Variants in MEF2C observed in about 807,000 individuals in gnomAD.
MEF2C encodes myocyte-specific enhancer factor 2C.
A neutral mutation model predicts 50.5 loss-of-function variants in MEF2C; 6 were observed. That is an observed-to-expected ratio of 0.12 (90% CI 0.07 to 0.23). MEF2C has a LOEUF of 0.23. Ranked by LOEUF, MEF2C falls within the 10% of genes least tolerant of loss-of-function variation. The pLI is 1.00. For missense variants in MEF2C, 276 were observed against 605.0 expected, an observed-to-expected ratio of 0.46 and a Z score of 5.70; for synonymous variants, 183 against 228.0, an observed-to-expected ratio of 0.80 and a Z score of 1.78.
intron 1 of MEF2C, among the ~76,000 whole-genome samples, chr5:88,902,233 G>A (rs1023601084): frequency 4.0e-5 from 6 of 151,444 alleles, no homozygotes; most frequent in Non-Finnish European, 5.9e-5. Flanking sequence ...TAAAAATTTA[G>A]CGACTATAGT....
At chr5:88,828,296 C>T (rs1423614553) in intron 1 of MEF2C, among the ~76,000 whole-genome samples, 1 of 151,922 alleles carries the variant, frequency 6.6e-6, no homozygotes, top group African/African-American at 2.4e-5. Context: ...CTTTGCAAAG[C>T]ATGTATTTTT....
intron 3 of MEF2C, among the ~76,000 whole-genome samples, chr5:88,783,378 C>G (rs565060069): frequency 1.3e-5 from 2 of 152,254 alleles, no homozygotes; most frequent in East Asian, 3.9e-4. Flanking sequence ...CCTGTAATCC[C>G]AGCACTTTGG....
chr5:88,803,089 T>C (rs1162669361), intron 3 of MEF2C, among the ~76,000 whole-genome samples: 1 of 152,236 alleles, frequency 6.6e-6, no homozygotes, highest in Non-Finnish European at 1.5e-5. Context: ...TTCACCTTCA[T>C]ATTTTTGTAC....
chr5:88,831,111 TATC>T (rs1182296999), intron 1 of MEF2C, among the ~76,000 whole-genome samples: 1 of 152,068 alleles, frequency 6.6e-6, no homozygotes, highest in Non-Finnish European at 1.5e-5. Context: ...ATCTTTAATA[TATC>T]ATATTTCACG....
chr5:88,755,270 T>C (rs886472540), intron 4 of MEF2C, among the ~76,000 whole-genome samples: 5 of 149,958 alleles, frequency 3.3e-5, no homozygotes, highest in African/African-American at 1.0e-4. Flanking sequence ...CTGTGCTGTA[T>C]AGTTGACATA....
intron 1 of MEF2C, among the ~76,000 whole-genome samples, chr5:88,834,548 G>A (rs1178034356): frequency 1.3e-5 from 2 of 152,072 alleles, no homozygotes; most frequent in South Asian, 2.1e-4. Context: ...CCAATATGAT[G>A]ATTTTAAATA....
chr5:88,894,419 C>T (rs947962182), intron 1 of MEF2C, among the ~76,000 whole-genome samples: 1 of 152,200 alleles, frequency 6.6e-6, no homozygotes, highest in African/African-American at 2.4e-5. Flanking sequence ...TATCTAAAGG[C>T]ATGTCATCCT....
chr5:88,880,264 A>G (rs2150071867), intron 1 of MEF2C, among the ~76,000 whole-genome samples: 1 of 152,248 alleles, frequency 6.6e-6, no homozygotes. Flanking sequence ...TTGAAAAAAA[A>G]GTGTAACTTT....
At chr5:88,741,664 G>T (rs935355086) in intron 6 of MEF2C, 1 of 973,830 alleles carries the variant, frequency 1.0e-6, no homozygotes, top group Non-Finnish European at 1.2e-6. Flanking sequence ...ATATTATAAT[G>T]TTCTATATTA....
intron 5 of MEF2C, chr5:88,751,074 T>C: frequency 1.0e-6 from 1 of 983,362 alleles, no homozygotes; most frequent in Non-Finnish European, 1.2e-6. Context: ...TTCCTACTGT[T>C]AGTTTAGCAA....
intron 3 of MEF2C, 95 bp downstream of exon 3, chr5:88,804,503 A>G: frequency 9.0e-7 from 1 of 1,110,274 alleles, no homozygotes; most frequent in Non-Finnish European, 1.3e-6. Context: ...ACATCTTAAG[A>G]AAAAGAACAT....
chr5:88,815,392 C>A (rs244760), intron 2 of MEF2C, among the ~76,000 whole-genome samples: 1 of 152,140 alleles, frequency 6.6e-6, no homozygotes, highest in South Asian at 2.1e-4. Flanking sequence ...GGCTGTCTCC[C>A]TTATAGTTTC....
chr5:88,779,455 G>A (rs1349890951), intron 3 of MEF2C, among the ~76,000 whole-genome samples: 1 of 152,122 alleles, frequency 6.6e-6, no homozygotes, highest in Non-Finnish European at 1.5e-5. Context: ...TCGAAGCCAA[G>A]CAGATAGATA....
chr5:88,755,726 C>G (rs1774996906), intron 4 of MEF2C, among the ~76,000 whole-genome samples: 1 of 152,196 alleles, frequency 6.6e-6, no homozygotes, highest in Non-Finnish European at 1.5e-5. Flanking sequence ...TAATAGGTAT[C>G]TAAGGATCTG....
chr5:88,722,133 T>C lies in MEF2C; in HGVS notation c.*471A>G, dbSNP rs771590978. The C allele has an allele frequency of 6.4e-6, 1 of 156,598 alleles. No homozygotes were observed. Among genetic ancestry groups the C allele is most frequent in the Non-Finnish European group, 1.4e-5 (1 of 70,414 alleles). The allele number at this position is 156,598 out of a possible 1,614,324, so 9.7% of individuals were successfully genotyped here. On this transcript the variant is annotated 3_prime_UTR_variant, in exon 11 of 11. Transcript: ENST00000504921. ...TTGGGATGTCAGGTGACCTGGTGTG[T>C]TCCTAACATTTACCAATGGCCACCC...
intron 1 of MEF2C, among the ~76,000 whole-genome samples, chr5:88,838,102 A>G (rs186233): frequency 0.81 from 123,256 of 152,124 alleles, 50,469 homozygotes; most frequent in African/African-American, 0.94. Flanking sequence ...CACTCAGAGA[A>G]TCGAATCACA....
intron 6 of MEF2C, chr5:88,741,587 T>C: frequency 2.0e-6 from 2 of 984,438 alleles, no homozygotes; most frequent in Non-Finnish European, 2.4e-6. Context: ...TCTTGATTGT[T>C]ATGTAAATTA....
intron 1 of MEF2C, among the ~76,000 whole-genome samples, chr5:88,849,634 C>A (rs994801904): frequency 6.6e-6 from 1 of 152,128 alleles, no homozygotes; most frequent in Admixed American, 6.5e-5. Flanking sequence ...CTGCAAGCTG[C>A]CTTAAGAAAT....
chr5:88,852,000 T>C (rs1220305243), intron 1 of MEF2C, among the ~76,000 whole-genome samples: 1 of 152,166 alleles, frequency 6.6e-6, no homozygotes, highest in African/African-American at 2.4e-5. Context: ...GTTTGCAACA[T>C]TTCCATAATG....
Sources: allele counts gnomAD v4.1 joint callset (sites outside exome capture counted in the v4.1 genomes callset), GRCh38; gene constraint gnomAD v4.1.1; transcripts MANE v1.5; gene names NCBI Gene and HGNC (gene_info 2026-07-23, HGNC 2026-07-21).